Variants in LRPAP1 observed in about 807,000 individuals in gnomAD.
The protein encoded by LRPAP1 is alpha-2-macroglobulin receptor-associated protein.
Under a neutral mutation model 39.9 loss-of-function variants are expected in LRPAP1, and 41 were observed. The observed-to-expected ratio is 1.03, with a 90% CI of 0.80 to 1.33. The LOEUF is 1.33. Among genes scored for constraint, LRPAP1 ranks in the 40% most tolerant of loss-of-function variants. The pLI is 0.00. For synonymous variants in LRPAP1, 263 were observed against 212.7 expected (o/e 1.24, Z -2.06); for missense variants, 565 against 482.3 (o/e 1.17, Z -1.61).
chr4:3,507,604 A>G lies in LRPAP1; in HGVS notation c.*5370T>C, dbSNP rs1729392484. ...ATGGGCATAAGTAGACCAAGTTTTT[A>G]ACTGTATTATCCCATTCTTTCATAT... On this transcript the variant is annotated 3_prime_UTR_variant, in exon 8 of 8. Coordinates refer to ENST00000650182, the MANE Select transcript of LRPAP1 (RefSeq NM_002337.4). The G allele has an allele frequency of 8.6e-6, 1 of 116,282 alleles. No homozygotes were observed. The highest frequency in any genetic ancestry group is 3.3e-5 in the African/African-American group (1 of 30,306). 7.2% of individuals were successfully genotyped at this position (116,282 alleles called of 1,614,324 possible).
chr4:3,510,246 T>C lies in LRPAP1; in HGVS notation c.*2728A>G, dbSNP rs577493513. The C allele has an allele frequency of 2.0e-5, 3 of 152,042 alleles. No homozygotes were observed. The highest frequency in any genetic ancestry group is 2.9e-5 in the Non-Finnish European group (2 of 67,988). 9.4% of individuals were successfully genotyped at this position (152,042 alleles called of 1,614,324 possible). ...CAGATCAAGACCTGCCTGGGCAACA[T>C]AGTAAAACCCCGTCTCTACAAAAAA... On this transcript the variant is annotated 3_prime_UTR_variant, in exon 8 of 8. Transcript: ENST00000650182.
intron 2 of LRPAP1, among the ~76,000 whole-genome samples, chr4:3,520,521 T>C (rs1213897878): frequency 6.6e-6 from 1 of 152,186 alleles, no homozygotes; most frequent in Non-Finnish European, 1.5e-5. Flanking sequence ...AAGCAGCTGG[T>C]GGGCTGGGCT....
chr4:3,526,155 T>C (rs1009739824), intron 1 of LRPAP1, among the ~76,000 whole-genome samples: 4 of 152,058 alleles, frequency 2.6e-5, no homozygotes, highest in South Asian at 2.1e-4. Flanking sequence ...CTCTGTGGAG[T>C]CCTGCAGCAA....
intron 5 of LRPAP1, 139 bp downstream of exon 5, chr4:3,517,895 T>C: frequency 1.8e-6 from 2 of 1,085,884 alleles, no homozygotes; most frequent in Admixed American, 2.8e-5. Flanking sequence ...CACCCGTGGG[T>C]AGACTGAGCG....
At position 3,518,965 on chromosome 4, in the gene LRPAP1, G is replaced by A. The variant is rs143257814; in HGVS notation, c.498C>T (p.Gly166=). The part of the protein sequence containing the change: ...HKAKTSGKFS[G]EELDKLWREF... ...CCCGCCAGAGCTTGTCCAGTTCTTC[G>A]CCGGAGAATTTCCCAGAGGTCTTCG... The change falls in exon 4 of 8, where the codon GGC becomes GGT. Residue 166 remains glycine, a synonymous_variant. Coordinates refer to ENST00000650182, the MANE Select transcript of LRPAP1 (RefSeq NM_002337.4). The A allele has an allele frequency of 5.8e-4, 944 of 1,613,988 alleles. 1 individual carries two copies. In the African/African-American group the frequency reaches 8.6e-3, roughly 15 times the overall value.
At position 3,529,151 on chromosome 4, in the gene LRPAP1, C is replaced by T. The variant is rs543649803; in HGVS notation, c.204+3058G>A. 5.9e-5 allele frequency among the ~76,000 whole-genome samples: 9 copies of T among 151,932 alleles called. No individual in the cohort carries two copies. The East Asian group carries it at 9.7e-4, about 16-fold the overall frequency. The stretch of plus-strand genomic sequence containing the variant: ...CAGCCTGGCCAACATGGTGAAACCC[C>T]GTCTCTACTAAAAATATAAAAATTA... On this transcript the variant is annotated intron_variant, in intron 1 of 7. Transcript: ENST00000650182.
chr4:3,517,775 G>C, intron 5 of LRPAP1: 1 of 419,864 alleles, frequency 2.4e-6, no homozygotes, highest in South Asian at 4.4e-5. Context: ...ACGCTGGGAA[G>C]GGCTGCTCCC....
rs1729518835 is a variant in LRPAP1 at position 3,511,668 on chromosome 4, C to A, written c.*1306G>T. On this transcript the variant is annotated 3_prime_UTR_variant, in exon 8 of 8. Transcript: ENST00000650182. ...CAGATCTCAACAGTCAAGCCAAGAT[C>A]CAGCTGCAGTCAAAACACAATACGC... is the stretch of plus-strand genomic sequence containing the variant. The A allele has an allele frequency of 6.6e-6, 1 of 152,332 alleles. No homozygotes were observed. The highest frequency in any genetic ancestry group is 2.4e-5 in the African/African-American group (1 of 41,458). The allele number at this position is 152,332 out of a possible 1,614,324, so 9.4% of individuals were successfully genotyped here. A position where few individuals can be genotyped will look rare whatever the true frequency, so the allele number is the denominator to read the frequency against.
At chr4:3,530,329 C>T (rs61194406) in intron 1 of LRPAP1, among the ~76,000 whole-genome samples, 1,542 of 152,300 alleles carry the variant, frequency 0.01, 28 homozygotes, top group African/African-American at 0.035. Context: ...TCCAAGCTTC[C>T]GTTATCTGGA....
intron 2 of LRPAP1, among the ~76,000 whole-genome samples, chr4:3,523,040 A>ACGC (rs948181267): frequency 5.9e-5 from 9 of 152,116 alleles, no homozygotes; most frequent in Admixed American, 3.9e-4. Context: ...TGCTTCTGGG[A>ACGC]CGCCGGCTCC....
intron 2 of LRPAP1, among the ~76,000 whole-genome samples, chr4:3,523,108 TCCACTTGGG>T (rs1257012034): frequency 5.3e-5 from 8 of 152,066 alleles, no homozygotes; most frequent in Non-Finnish European, 1.5e-5. Context: ...ACAAGACAGC[TCCACTTGGG>T]CCACAGACCT....
In LRPAP1 at chr4:3,506,029, C is replaced by T. The variant is rs1183966253; in HGVS notation, c.*6945G>A. 6.6e-6 allele frequency among the ~76,000 whole-genome samples: 1 copy of T among 152,090 alleles called. No individual in the cohort carries two copies. The highest frequency in any genetic ancestry group is 1.5e-5 in the Non-Finnish European group (1 of 68,022). ...GCTTAGGGAAGTAAAAAAAAAATCA[C>T]TGCATCTCATAATTATTGAGATATT... On this transcript the variant is annotated 3_prime_UTR_variant, in exon 8 of 8. Transcript: ENST00000650182.
In LRPAP1 at chr4:3,510,523, C is replaced by T. The variant is rs1236056969; in HGVS notation, c.*2451G>A. ...TAGGTCAGTTGATTTCTGACAAAGG[C>T]GCCAAATTAGGAGAAAAAAGCCTAT... is the stretch of plus-strand genomic sequence containing the variant. On this transcript the variant is annotated 3_prime_UTR_variant, in exon 8 of 8. Coordinates refer to ENST00000650182, the MANE Select transcript of LRPAP1 (RefSeq NM_002337.4). 2.6e-5 allele frequency: 4 copies of T among 152,144 alleles called. No individual in the cohort carries two copies. The highest frequency in any genetic ancestry group is 1.3e-4 in the Admixed American group (2 of 15,282). The allele number at this position is 152,144 out of a possible 1,614,324, so 9.4% of individuals were successfully genotyped here.
intron 5 of LRPAP1, 80 bp from the exon 6 acceptor site, chr4:3,516,278 G>A (rs182662230): frequency 4.6e-6 from 5 of 1,092,310 alleles, no homozygotes; most frequent in East Asian, 2.9e-5. Flanking sequence ...CACGCTGAGT[G>A]TGCGTGGAGC....
At chr4:3,520,360 A>T in intron 2 of LRPAP1, 167 bp from the exon 3 acceptor site, 2 of 689,190 alleles carry the variant, frequency 2.9e-6, no homozygotes, top group Non-Finnish European at 4.8e-6. Flanking sequence ...GAGAACAAGA[A>T]TGTAAACAAG....
Position 3,510,345 on chromosome 4 carries a change from C to T in LRPAP1, c.*2629G>A, listed in dbSNP as rs1388677993. On this transcript the variant is annotated 3_prime_UTR_variant, in exon 8 of 8. Transcript: ENST00000650182. ...GTGGTCGCAGCTACTACTCAGGAGA[C>T]TGAGGCGAGGGGATTGCTGGAGTAT... The T allele has an allele frequency of 2.0e-5, 3 of 152,238 alleles. No individual in the cohort carries two copies. The highest frequency in any genetic ancestry group is 2.9e-5 in the Non-Finnish European group (2 of 68,068). 9.4% of individuals were successfully genotyped at this position (152,238 alleles called of 1,614,324 possible).
chr4:3,513,110 A>G, intron 7 of LRPAP1, 74 bp from the exon 8 acceptor site: 1 of 1,177,140 alleles, frequency 8.5e-7, no homozygotes, highest in South Asian at 1.3e-5. Flanking sequence ...GCCTCATGTC[A>G]GGAGACGCGC....
At chr4:3,517,770 G>T (rs75347753) in intron 5 of LRPAP1, 3 of 407,700 alleles carry the variant, frequency 7.4e-6, no homozygotes, top group Non-Finnish European at 1.3e-5. Flanking sequence ...GGGAGACGCT[G>T]GGAAGGGCTG....
rs148197121 is a variant in LRPAP1, at chr4:3,519,060, A to G, written c.472-69T>C. On this transcript the variant is annotated intron_variant, in intron 3 of 7. Transcript: ENST00000650182. The stretch of plus-strand genomic sequence containing the variant: ...TGTGGCCAGGGCCGCTCTTCAGCCA[A>G]CCACTCCTCATGGCCAGGCAGGCCC... 1.1e-4 allele frequency: 180 copies of G among 1,579,962 alleles called. No individual in the cohort carries two copies. In the East Asian group the frequency reaches 4.0e-3, roughly 35 times the overall value.
Sources: gnomAD v4.1 joint callset for allele counts (sites outside exome capture counted in the v4.1 genomes callset) on GRCh38, gnomAD v4.1.1 for gene constraint, MANE v1.5 for transcripts, NCBI Gene and HGNC (gene_info 2026-07-23, HGNC 2026-07-21) for gene names.